SUCLA2: variants seen among roughly 807,000 people sequenced by gnomAD.
The protein encoded by SUCLA2 is succinate-CoA ligase ADP-forming subunit beta, also known as succinate--CoA ligase [ADP-forming] subunit beta, mitochondrial.
In SUCLA2, 30 loss-of-function variants were observed where a neutral mutation model predicts 54.8. That is an observed-to-expected ratio of 0.55 (90% CI 0.41 to 0.74). The LOEUF is 0.74. Among genes scored for constraint, SUCLA2 ranks in the 30% least tolerant of loss-of-function variants. The probability of loss-of-function intolerance (pLI) is 0.00; values close to 1 mark genes in which losing one functional copy is unlikely to be tolerated. For synonymous variants in SUCLA2, 172 were observed against 188.9 expected, an observed-to-expected ratio of 0.91 and a Z score of 0.74; for missense variants, 476 against 562.9, an observed-to-expected ratio of 0.85 and a Z score of 1.56.
rs1319067427 is a variant in SUCLA2 at position 48,000,225 on chromosome 13, A to G, written c.90+955T>C. Among the ~76,000 whole-genome samples, 3 of 152,214 alleles carry G rather than the reference A, an allele frequency of 2.0e-5. No individual in the cohort carries two copies. In the East Asian group the frequency reaches 5.8e-4, roughly 29 times the overall value. On this transcript the variant is annotated intron_variant, in intron 1 of 10. Coordinates refer to ENST00000646932, the MANE Select transcript of SUCLA2 (RefSeq NM_003850.3). ...AAGAGTTACTTCAGAAAAAAACCCAAAACTCTGGAATTGACTTAGGACACC... is the reference window on the plus strand; with the variant it reads ...AAGAGTTACTTCAGAAAAAAACCCAGAACTCTGGAATTGACTTAGGACACC...
intron 1 of SUCLA2, among the ~76,000 whole-genome samples, chr13:47,997,298 C>T (rs1464428217): frequency 6.6e-6 from 1 of 152,144 alleles, no homozygotes; most frequent in Non-Finnish European, 1.5e-5. Context: ...GGCAGTTCTA[C>T]CTCAATGCCA....
chr13:47,990,218 C>T (rs897081576), intron 2 of SUCLA2, among the ~76,000 whole-genome samples: 1 of 152,110 alleles, frequency 6.6e-6, no homozygotes, highest in East Asian at 1.9e-4. Flanking sequence ...CATGGTGGTA[C>T]ATGTCTGTAA....
intron 6 of SUCLA2, among the ~76,000 whole-genome samples, chr13:47,960,820 T>A (rs1338046555): frequency 1.3e-5 from 2 of 152,198 alleles, no homozygotes; most frequent in Non-Finnish European, 2.9e-5. Context: ...GGTTTGAAGA[T>A]GAACACTCAT....
chr13:47,954,638 T>C (rs1399120637), intron 6 of SUCLA2, 81 bp from the exon 7 acceptor site: 1 of 1,428,470 alleles, frequency 7.0e-7, no homozygotes, highest in Non-Finnish European at 9.7e-7. Context: ...GGTCTTTCAT[T>C]TAGGGAAAAG....
rs538775628 is a variant in SUCLA2 at position 47,976,802 on chromosome 13, A to G, written c.535-3410T>C. 1.8e-4 allele frequency among the ~76,000 whole-genome samples: 28 copies of G among 152,292 alleles called. 1 individual carries two copies. The South Asian group carries it at 4.8e-3, about 26-fold the overall frequency. Reference sequence around the variant, plus strand: ...AAAATCTGAATTCCAAAATGCTCCAATGAGCATTTCCTTTAAGTGTCATGT... The same window carrying G: ...AAAATCTGAATTCCAAAATGCTCCAGTGAGCATTTCCTTTAAGTGTCATGT... On this transcript the variant is annotated intron_variant, in intron 4 of 10. Coordinates refer to ENST00000646932, the MANE Select transcript of SUCLA2 (RefSeq NM_003850.3).
At chr13:47,997,667 C>T (rs1434979643) in intron 1 of SUCLA2, among the ~76,000 whole-genome samples, 1 of 152,180 alleles carries the variant, frequency 6.6e-6, no homozygotes, top group African/African-American at 2.4e-5. Context: ...CAGCCTGCAC[C>T]CAATGACTGG....
intron 10 of SUCLA2, among the ~76,000 whole-genome samples, chr13:47,947,023 A>AT (rs1949737402): frequency 6.6e-6 from 1 of 152,204 alleles, no homozygotes; most frequent in African/African-American, 2.4e-5. Flanking sequence ...TGCTCTCTAA[A>AT]TACCATTTGG....
rs532599522 is a variant in SUCLA2 at position 47,991,246 on chromosome 13, C to T, written c.272-2265G>A. Reference sequence around the variant, plus strand: ...AAGTGCTTACAATGGCCTAGAAGACCTTATAATACCCTCTACACTTTTTAT... The same window carrying T: ...AAGTGCTTACAATGGCCTAGAAGACTTTATAATACCCTCTACACTTTTTAT... On this transcript the variant is annotated intron_variant, in intron 2 of 10. Transcript: ENST00000646932. Among the ~76,000 whole-genome samples, 46 of 152,312 alleles carry T rather than the reference C, an allele frequency of 3.0e-4. 1 individual carries two copies. Among genetic ancestry groups the T allele is most frequent in the Non-Finnish European group, 5.3e-4 (36 of 68,024 alleles).
chr13:47,992,698 C>T (rs114060536), intron 2 of SUCLA2, among the ~76,000 whole-genome samples: 310 of 152,300 alleles, frequency 2.0e-3, no homozygotes, highest in African/African-American at 7.1e-3. Context: ...TCCCAGCTAC[C>T]TTTAGTCACT....
In SUCLA2 at chr13:47,943,153, CAAAA is replaced by C. The variant is rs979779425; in HGVS notation, c.*214_*217del. 8.4e-5 allele frequency: 43 copies of C among 514,740 alleles called. No homozygotes were observed. The highest frequency in any genetic ancestry group is 7.0e-4 in the African/African-American group (36 of 51,764). The allele number at this position is 514,740 out of a possible 1,614,324, so 31.9% of individuals were successfully genotyped here. On this transcript the variant is annotated 3_prime_UTR_variant, in exon 11 of 11. Coordinates refer to ENST00000646932, the MANE Select transcript of SUCLA2 (RefSeq NM_003850.3). ...GAGAAGCAAAAAAGACTGGCTGCGA[CAAAA>C]GAAAGAAGATAACTGCATTATACAT...
At chr13:47,979,159 T>C (rs1398034237) in intron 4 of SUCLA2, among the ~76,000 whole-genome samples, 1 of 152,212 alleles carries the variant, frequency 6.6e-6, no homozygotes, top group Admixed American at 6.5e-5. Flanking sequence ...GCAATCCCAT[T>C]ACTGAGTATA....
At chr13:47,990,375 T>C (rs1739680201) in intron 2 of SUCLA2, among the ~76,000 whole-genome samples, 1 of 152,036 alleles carries the variant, frequency 6.6e-6, no homozygotes, top group East Asian at 1.9e-4. Flanking sequence ...GTGATGGGTA[T>C]CCTAAATGCC....
rs536250899 is a variant in SUCLA2, at chr13:47,973,316, A to C, written c.611T>G (p.Ile204Ser). The C allele has an allele frequency of 3.0e-5, 48 of 1,613,500 alleles. No homozygotes were observed. The highest frequency in any genetic ancestry group is 3.8e-5 in the Non-Finnish European group (45 of 1,179,590). Residue 204 changes from isoleucine to serine, a missense_variant, in exon 5 of 11, where the codon ATT becomes AGT. Ile to Ser is a moderately radical substitution (Grantham distance 142, BLOSUM62 -2). Around this residue, in one of 2 missense-constraint regions of SUCLA2, gnomAD observed 342 missense variants for 444.2 expected, o/e 0.77. Coordinates refer to ENST00000646932, the MANE Select transcript of SUCLA2 (RefSeq NM_003850.3). Reference sequence around the variant, plus strand: ...TTCTTCAATATCAATAGGTTCTTTAATTATTGCTTCAGGAGACTCAGCAGC... The same window carrying C: ...TTCTTCAATATCAATAGGTTCTTTACTTATTGCTTCAGGAGACTCAGCAGC... Reference protein sequence around the residue: ...DVAAESPEAIIKEPIDIEEGI... With the variant: ...DVAAESPEAISKEPIDIEEGI...
At chr13:47,969,335 A>G (rs939894034) in intron 5 of SUCLA2, among the ~76,000 whole-genome samples, 1 of 152,268 alleles carries the variant, frequency 6.6e-6, no homozygotes, top group African/African-American at 2.4e-5. Flanking sequence ...TACATGTCAT[A>G]CAGTCAAATG....
At chr13:47,997,149 C>T (rs1950198159) in intron 1 of SUCLA2, 126 bp from the exon 2 acceptor site, 1 of 974,388 alleles carries the variant, frequency 1.0e-6, no homozygotes, top group South Asian at 1.4e-5. Context: ...ATTCAGAGTA[C>T]CTGAATTACA....
At chr13:47,961,711 G>A (rs1010352267) in intron 6 of SUCLA2, among the ~76,000 whole-genome samples, 2 of 151,990 alleles carry the variant, frequency 1.3e-5, no homozygotes, top group Admixed American at 1.3e-4. Flanking sequence ...CTGAAATTCT[G>A]ATGTGTCTTA....
intron 9 of SUCLA2, 79 bp from the exon 10 acceptor site, chr13:47,949,107 T>A: frequency 7.1e-7 from 1 of 1,413,546 alleles, no homozygotes; most frequent in Admixed American, 1.7e-5. Flanking sequence ...AAACATGGTA[T>A]AAGAATAAAA....
intron 4 of SUCLA2, among the ~76,000 whole-genome samples, chr13:47,975,155 T>C (rs531154208): frequency 1.3e-5 from 2 of 150,270 alleles, no homozygotes; most frequent in Non-Finnish European, 3.0e-5. Context: ...CACTTTTCTT[T>C]CTTTCTTTTC....
At chr13:47,971,674 A>C (rs548912699) in intron 5 of SUCLA2, 1 of 380,496 alleles carries the variant, frequency 2.6e-6, no homozygotes, top group Non-Finnish European at 4.7e-6. Flanking sequence ...GAAGGACCAC[A>C]GCGTTCATCG....
Sources: allele counts gnomAD v4.1 joint callset (sites outside exome capture counted in the v4.1 genomes callset), GRCh38; gene constraint gnomAD v4.1.1; regional missense constraint gnomAD v4.1.1; transcripts MANE v1.5; gene names NCBI Gene and HGNC (gene_info 2026-07-23, HGNC 2026-07-21).